The following LINC00237 variants were observed in gnomAD, a reference collection of about 807,000 sequenced individuals.
LINC00237 encodes the protein long intergenic non-protein coding RNA 237.
intron 1 of LINC00237, among the ~76,000 whole-genome samples, chr20:21,094,921 C>T (rs943474699): frequency 6.6e-6 from 1 of 152,092 alleles, no homozygotes; most frequent in South Asian, 2.1e-4. Flanking sequence ...CATGGTGGTG[C>T]GTGCCTGTAA....
At chr20:21,103,176 T>C (rs2030956010) in intron 1 of LINC00237, among the ~76,000 whole-genome samples, 1 of 152,258 alleles carries the variant, frequency 6.6e-6, no homozygotes, top group Admixed American at 6.5e-5. Context: ...CTGCAAGCAA[T>C]GTGGCAGGGC....
chr20:21,105,496 A>C (rs920498575), intron 1 of LINC00237, among the ~76,000 whole-genome samples: 2 of 152,160 alleles, frequency 1.3e-5, no homozygotes, highest in African/African-American at 4.8e-5. Context: ...CAGCAAAAGC[A>C]ACCGCCTACC....
chr20:21,106,021 G>A (rs2030995186), intron 1 of LINC00237, among the ~76,000 whole-genome samples: 1 of 152,280 alleles, frequency 6.6e-6, no homozygotes, highest in Non-Finnish European at 1.5e-5. Flanking sequence ...TCCCCCCAGG[G>A]GTCTCCGAAT....
At chr20:21,105,773 G>A (rs1480754356) in intron 1 of LINC00237, among the ~76,000 whole-genome samples, 1 of 152,206 alleles carries the variant, frequency 6.6e-6, no homozygotes, top group East Asian at 1.9e-4. Flanking sequence ...GCGTCTCTCT[G>A]CCTCCCCGCA....
chr20:21,085,869 C>G (rs2030685364), exon 4 of LINC00237, among the ~76,000 whole-genome samples: 2 of 152,198 alleles, frequency 1.3e-5, no homozygotes, highest in African/African-American at 4.8e-5. Flanking sequence ...CTCATGGATA[C>G]TGGTAGAAGA....
chr20:21,097,503 A>C (rs2030876025), intron 1 of LINC00237, among the ~76,000 whole-genome samples: 1 of 152,188 alleles, frequency 6.6e-6, no homozygotes. Context: ...GATTGTACTA[A>C]ATTTTAAAAT....
At chr20:21,097,982 C>T (rs1376531851) in intron 1 of LINC00237, among the ~76,000 whole-genome samples, 1 of 152,182 alleles carries the variant, frequency 6.6e-6, no homozygotes, top group Non-Finnish European at 1.5e-5. Flanking sequence ...TACAAGCTCC[C>T]TGCCTTCTTG....
rs538197182 is a variant in LINC00237, at chr20:21,095,243, G to C, written n.89-1391C>G. On this transcript the variant is annotated intron_variant and non_coding_transcript_variant, in intron 1 of 3. Coordinates refer to ENST00000691244, the Ensembl canonical transcript of LINC00237. ...CTTGGAGCCCAGCTGCCATGCAGAAGAGAAACCCATGCTAGGGTACAGAAT... is the reference window on the plus strand; with the variant it reads ...CTTGGAGCCCAGCTGCCATGCAGAACAGAAACCCATGCTAGGGTACAGAAT... 6.6e-5 allele frequency among the ~76,000 whole-genome samples: 10 copies of C among 152,260 alleles called. No individual in the cohort carries two copies. The South Asian group carries it at 2.1e-3, about 32-fold the overall frequency.
intron 1 of LINC00237, among the ~76,000 whole-genome samples, chr20:21,105,256 G>T (rs2030983609): frequency 6.6e-6 from 1 of 151,900 alleles, no homozygotes. Flanking sequence ...TCACCCTCCC[G>T]CTCTGGGTCT....
chr20:21,090,312 TA>T (rs1165605006), intron 2 of LINC00237: 3 of 152,244 alleles, frequency 2.0e-5, no homozygotes, highest in Non-Finnish European at 4.4e-5. Flanking sequence ...CATTGTTGTC[TA>T]AAAGACGGTG....
At chr20:21,105,990 G>C (rs1365784700) in intron 1 of LINC00237, among the ~76,000 whole-genome samples, 1 of 152,216 alleles carries the variant, frequency 6.6e-6, no homozygotes, top group Non-Finnish European at 1.5e-5. Context: ...GATCCAGAGA[G>C]AGACTCAGAG....
At chr20:21,089,538 G>C (rs989578609) in intron 2 of LINC00237, among the ~76,000 whole-genome samples, 2 of 152,078 alleles carry the variant, frequency 1.3e-5, no homozygotes, top group Non-Finnish European at 2.9e-5. Context: ...CGCTGGGCTC[G>C]TAATTCTCTC....
At chr20:21,104,651 TC>T (rs1198924679) in intron 1 of LINC00237, among the ~76,000 whole-genome samples, 1 of 152,146 alleles carries the variant, frequency 6.6e-6, no homozygotes, top group Non-Finnish European at 1.5e-5. Context: ...CTGTTTTTTT[TC>T]CTAAGAAGGG....
At chr20:21,095,734 T>C (rs888133700) in intron 1 of LINC00237, among the ~76,000 whole-genome samples, 2 of 152,222 alleles carry the variant, frequency 1.3e-5, no homozygotes, top group Non-Finnish European at 2.9e-5. Flanking sequence ...TCAGTGTTGA[T>C]AGCTCCTTAC....
chr20:21,089,863 G>A (rs1687152945), intron 2 of LINC00237: 1 of 152,132 alleles, frequency 6.6e-6, no homozygotes, highest in South Asian at 2.1e-4. Flanking sequence ...TTAAACATGA[G>A]GATTCACTGT....
At chr20:21,095,064 A>G (rs1462569520) in intron 1 of LINC00237, among the ~76,000 whole-genome samples, 1 of 152,150 alleles carries the variant, frequency 6.6e-6, no homozygotes, top group Non-Finnish European at 1.5e-5. Context: ...ATAAATAAAT[A>G]AGTAAATAAA....
intron 2 of LINC00237, among the ~76,000 whole-genome samples, chr20:21,088,998 T>G: frequency 6.6e-6 from 1 of 151,996 alleles, no homozygotes; most frequent in Admixed American, 6.6e-5. Flanking sequence ...TTTCTTCCTC[T>G]TTTTTAGCCA....
intron 2 of LINC00237, among the ~76,000 whole-genome samples, chr20:21,091,326 G>A (rs183637989): frequency 2.6e-5 from 4 of 152,176 alleles, no homozygotes; most frequent in Admixed American, 6.5e-5. Context: ...TTTTATTTGG[G>A]CATAGCTACT....
intron 2 of LINC00237, chr20:21,092,803 A>G (rs1008790153): frequency 6.6e-6 from 1 of 152,224 alleles, no homozygotes; most frequent in Non-Finnish European, 1.5e-5. Flanking sequence ...ACCCCCAAAA[A>G]AGAGCTTGTT....
Sources: allele counts gnomAD v4.1 joint callset (sites outside exome capture counted in the v4.1 genomes callset), GRCh38; gene constraint gnomAD v4.1.1; transcripts MANE v1.5; gene names NCBI Gene and HGNC (gene_info 2026-07-23, HGNC 2026-07-21).